The following LRRC75B variants were observed in gnomAD, a reference collection of about 807,000 sequenced individuals.
LRRC75B encodes leucine rich repeat containing 75B.
In LRRC75B, 20 loss-of-function variants were observed where a neutral mutation model predicts 16.5. The observed-to-expected ratio is 1.21, with a 90% CI of 0.85 to 1.76. LRRC75B has a LOEUF of 1.76. Among genes scored for constraint, LRRC75B ranks in the 40% most tolerant of loss-of-function variants. LRRC75B has a pLI of 0.00. For synonymous variants in LRRC75B, 199 were observed against 198.1 expected, an observed-to-expected ratio of 1.00 and a Z score of -0.04; for missense variants, 406 against 417.0, an observed-to-expected ratio of 0.97 and a Z score of 0.23.
At chr22:24,592,535 T>TCTTAGGTCCAG in intron 1 of LRRC75B, 1 of 434,434 alleles carries the variant, frequency 2.3e-6, no homozygotes, top group Middle Eastern at 3.4e-4. Flanking sequence ...GAATTTGGGC[T>TCTTAGGTCCAG]CTTAGGTCCA....
rs963030747 is a variant in LRRC75B at position 24,585,982 on chromosome 22, A to G, written c.852T>C (p.Pro284=). The G allele has an allele frequency of 6.2e-7, 1 of 1,610,524 alleles. No individual in the cohort carries two copies. The highest frequency in any genetic ancestry group is 8.5e-7 in the Non-Finnish European group (1 of 1,179,822). The change falls in exon 4 of 4, where the codon CCT becomes CCC. Residue 284 remains proline (P), a synonymous_variant. Coordinates refer to ENST00000318753, the MANE Select transcript of LRRC75B (RefSeq NM_207644.3). ...TGGTGGCCCCGGCCGCACTGCCCTCAGGCTCAAGGTCCAGGCCCTCGTAGA... is the reference window on the plus strand; with the variant it reads ...TGGTGGCCCCGGCCGCACTGCCCTCGGGCTCAAGGTCCAGGCCCTCGTAGA... ...PTIYEGLDLE[P]EGSAAGATTP...
At chr22:24,586,777 C>T (rs1298603476) in intron 3 of LRRC75B, among the ~76,000 whole-genome samples, 1 of 152,146 alleles carries the variant, frequency 6.6e-6, no homozygotes, top group African/African-American at 2.4e-5. Context: ...GTGATCTGAC[C>T]GCCTCAGCCT....
At chr22:24,590,012 C>A in intron 1 of LRRC75B, 63 bp from the exon 2 acceptor site, 2 of 1,478,612 alleles carry the variant, frequency 1.4e-6, no homozygotes, top group Non-Finnish European at 1.8e-6. Flanking sequence ...GGCACCACCC[C>A]AGCCAGCCAG....
chr22:24,588,615 A>G, intron 2 of LRRC75B: 2 of 1,048,650 alleles, frequency 1.9e-6, no homozygotes, highest in Non-Finnish European at 2.5e-6. Context: ...CCTCGGGCCC[A>G]GGGCCAGCGT....
intron 1 of LRRC75B, among the ~76,000 whole-genome samples, chr22:24,590,322 G>T (rs2045531776): frequency 6.6e-6 from 1 of 152,106 alleles, no homozygotes; most frequent in African/African-American, 2.4e-5. Context: ...TGTAGAAATG[G>T]GGTCTCACTA....
chr22:24,589,633 C>A, intron 2 of LRRC75B, 188 bp downstream of exon 2: 1 of 684,838 alleles, frequency 1.5e-6, no homozygotes, highest in African/African-American at 1.8e-5. Flanking sequence ...ACAGCTCACA[C>A]TTGCTCTAGC....
Position 24,588,329 on chromosome 22 carries a change from C to T in LRRC75B, c.307G>A (p.Asp103Asn), listed in dbSNP as rs765357948. 1 of 1,609,604 alleles carries T rather than the reference C, an allele frequency of 6.2e-7. No homozygotes were observed. Among genetic ancestry groups the T allele is most frequent in the South Asian group, 1.1e-5 (1 of 90,352 alleles). The change falls in exon 3 of 4, where the codon GAC (aspartate) becomes AAC (asparagine). Residue 103 changes from aspartate to asparagine, a missense_variant and splice_region_variant. Physicochemically the swap from Asp to Asn is conservative, Grantham distance 23. Transcript: ENST00000318753. ...TCCGAGGACTTCCAGAGCTCATAGTCCTGTGGGAGGGCAGTGTCACCATGG... is the reference window on the plus strand; with the variant it reads ...TCCGAGGACTTCCAGAGCTCATAGTTCTGTGGGAGGGCAGTGTCACCATGG... Reference protein sequence around the residue: ...LARDLQCPKKDYELWKSSDKI... With the variant: ...LARDLQCPKKNYELWKSSDKI...
rs371589501 is a variant in LRRC75B at position 24,586,258 on chromosome 22, C to T, written c.576G>A (p.Leu192=). 3.0e-5 allele frequency: 49 copies of T among 1,613,736 alleles called. No individual in the cohort carries two copies. Among genetic ancestry groups the T allele is most frequent in the Middle Eastern group, 3.3e-4 (2 of 6,084 alleles). ...LAVLDLSFTG[L]SDELLHLLLP... ...GCAGGAGGTGCAGCAGCTCATCACTCAGCCCCGTGAAGCTCAGGTCCAGCA... is the reference window on the plus strand; with the variant it reads ...GCAGGAGGTGCAGCAGCTCATCACTTAGCCCCGTGAAGCTCAGGTCCAGCA... Residue 192 remains leucine, a synonymous_variant, in exon 4 of 4, where the codon CTG becomes CTA. Transcript: ENST00000318753.
rs142335704 is a variant in LRRC75B at position 24,587,775 on chromosome 22, T to A, written c.422+439A>T. On this transcript the variant is annotated intron_variant, in intron 3 of 3. Transcript: ENST00000318753. ...AAGGTACAGGAAAATCAGGGTAGAGTGTGGCCTTAGGCAAGCCACTTCTCC... is the reference window on the plus strand; with the variant it reads ...AAGGTACAGGAAAATCAGGGTAGAGAGTGGCCTTAGGCAAGCCACTTCTCC... Among the ~76,000 whole-genome samples the A allele has an allele frequency of 4.6e-3, 698 of 152,196 alleles. 5 individuals carry two copies. The highest frequency in any genetic ancestry group is 0.027 in the Middle Eastern group (8 of 294).
At position 24,585,715 on chromosome 22, in the gene LRRC75B, A is replaced by C; in HGVS notation, c.*171T>G. 2 of 752,838 alleles carry C rather than the reference A, an allele frequency of 2.7e-6. No individual in the cohort carries two copies. The highest frequency in any genetic ancestry group is 4.2e-6 in the Non-Finnish European group (2 of 478,072). 46.6% of individuals were successfully genotyped at this position (752,838 alleles called of 1,614,324 possible). A position where few individuals can be genotyped will look rare whatever the true frequency, so the allele number is the denominator to read the frequency against. ...CTGAGGGAAGGCTGAGCCTCTAGCC[A>C]GGGCTGGCCACCTGGCCACCTATGA... On this transcript the variant is annotated 3_prime_UTR_variant, in exon 4 of 4. Transcript: ENST00000318753.
At chr22:24,590,042 C>T (rs886215009) in intron 1 of LRRC75B, 93 bp from the exon 2 acceptor site, 2 of 1,383,222 alleles carry the variant, frequency 1.4e-6, no homozygotes, top group Non-Finnish European at 9.6e-7. Context: ...ATGCCCGTTC[C>T]TGTCTCTCCA....
At position 24,586,139 on chromosome 22, in the gene LRRC75B, A is replaced by C. The variant is rs763658650; in HGVS notation, c.695T>G (p.Ile232Ser). Residue 232 changes from isoleucine to serine, a missense_variant, in exon 4 of 4, where the codon ATC becomes AGC. Physicochemically the swap from Ile to Ser is moderately radical, Grantham distance 142 (BLOSUM62 -2). Coordinates refer to ENST00000318753, the MANE Select transcript of LRRC75B (RefSeq NM_207644.3). ...AGCAGGGAACTTGGTGGTGTCCTTG[A>C]TGGCATCAGTGAGCTTGCGGGCAGT... The part of the protein sequence containing the change: ...RATARKLTDA[I>S]KDTTKFPALA... 2 of 1,613,404 alleles carry C rather than the reference A, an allele frequency of 1.2e-6. No individual in the cohort carries two copies. The highest frequency in any genetic ancestry group is 1.7e-6 in the Non-Finnish European group (2 of 1,179,974).
Position 24,586,139 on chromosome 22 carries a change from A to T in LRRC75B, c.695T>A (p.Ile232Asn), listed in dbSNP as rs763658650. ...AGCAGGGAACTTGGTGGTGTCCTTG[A>T]TGGCATCAGTGAGCTTGCGGGCAGT... ...RATARKLTDAIKDTTKFPALA... is the reference protein window; with the variant it reads ...RATARKLTDANKDTTKFPALA... The change falls in exon 4 of 4, where the codon ATC becomes AAC. Residue 232 changes from isoleucine (I) to asparagine (N), a missense_variant. Coordinates refer to ENST00000318753, the MANE Select transcript of LRRC75B (RefSeq NM_207644.3). The T allele has an allele frequency of 6.2e-7, 1 of 1,613,286 alleles. No individual in the cohort carries two copies. Among genetic ancestry groups the T allele is most frequent in the Non-Finnish European group, 8.5e-7 (1 of 1,179,982 alleles).
rs780148526 is a variant in LRRC75B at position 24,589,434 on chromosome 22, C to T, written c.306+387G>A. 3.2e-5 allele frequency: 31 copies of T among 954,260 alleles called. No individual in the cohort carries two copies. The East Asian group carries it at 4.2e-4, about 13-fold the overall frequency. 59.1% of individuals were successfully genotyped at this position (954,260 alleles called of 1,614,324 possible). Reference sequence around the variant, plus strand: ...GGCTCTAGCCGAGAGCGGCTCTCTTCTGGCCCAGGAATTCAGAGGCTAGGA... The same window carrying T: ...GGCTCTAGCCGAGAGCGGCTCTCTTTTGGCCCAGGAATTCAGAGGCTAGGA... On this transcript the variant is annotated intron_variant, in intron 2 of 3. Coordinates refer to ENST00000318753, the MANE Select transcript of LRRC75B (RefSeq NM_207644.3).
rs1318356951 is a variant in LRRC75B at position 24,592,867 on chromosome 22, C to T, written c.173G>A (p.Arg58His). The T allele has an allele frequency of 7.8e-6, 10 of 1,281,752 alleles. No homozygotes were observed. Among genetic ancestry groups the T allele is most frequent in the Non-Finnish European group, 9.9e-6 (10 of 1,014,158 alleles). 79.4% of individuals were successfully genotyped at this position (1,281,752 alleles called of 1,614,324 possible). Residue 58 changes from arginine to histidine, a missense_variant, in exon 1 of 4, where the codon CGC (arginine) becomes CAC (histidine). Transcript: ENST00000318753. Reference protein sequence around the residue: ...ERARQLLRLLRQDLGLERTLL... With the variant: ...ERARQLLRLLHQDLGLERTLL... ...GCGGACGGCTCCTTCTCTCGCCTGG[C>T]GCAGGAGGCGCAGCAGCTGCCGGGC...
At chr22:24,592,527 A>G in intron 1 of LRRC75B, 1 of 435,460 alleles carries the variant, frequency 2.3e-6, no homozygotes, top group Non-Finnish European at 4.6e-6. Flanking sequence ...CAGGGCCTGA[A>G]TTTGGGCTCT....
chr22:24,590,907 C>T (rs2045550023), intron 1 of LRRC75B, among the ~76,000 whole-genome samples: 1 of 152,196 alleles, frequency 6.6e-6, no homozygotes, highest in African/African-American at 2.4e-5. Context: ...CTCACCTAGT[C>T]ATCCCTTCTC....
At chr22:24,588,923 C>T (rs1326450535) in intron 2 of LRRC75B, 14 of 1,002,260 alleles carry the variant, frequency 1.4e-5, no homozygotes, top group Non-Finnish European at 1.7e-5. Context: ...GGGTGGAATC[C>T]GAGGTGCGCG....
intron 1 of LRRC75B, among the ~76,000 whole-genome samples, chr22:24,590,296 TA>T (rs113259804): frequency 2.0e-5 from 3 of 150,190 alleles, no homozygotes; most frequent in African/African-American, 4.9e-5. Context: ...CTCAGCTAAT[TA>T]AAAAAAAAAT....
Sources: allele counts gnomAD v4.1 joint callset (sites outside exome capture counted in the v4.1 genomes callset), GRCh38; gene constraint gnomAD v4.1.1; transcripts MANE v1.5; gene names NCBI Gene and HGNC (gene_info 2026-07-23, HGNC 2026-07-21).